The following CEP63 variants were observed in gnomAD, a reference collection of about 807,000 sequenced individuals.
CEP63 encodes centrosomal protein 63.
In CEP63, 84 loss-of-function variants were observed where a neutral mutation model predicts 89.1. The observed-to-expected ratio is 0.94, with a 90% CI of 0.79 to 1.13. The LOEUF is 1.13. Among genes scored for constraint, CEP63 ranks in the 50% most tolerant of loss-of-function variants. CEP63 has a pLI of 0.00. For missense variants in CEP63, 838 were observed against 813.3 expected (o/e 1.03, Z -0.37); for synonymous variants, 267 against 272.5 (o/e 0.98, Z 0.20).
At chr3:134,723,837 A>T in the CEP63 span, among the ~76,000 whole-genome samples, 9 of 152,220 alleles carry the variant, frequency 5.9e-5, no homozygotes, top group South Asian at 6.2e-4. Context: ...GGACAATGAC[A>T]GTATATAAGA....
chr3:134,699,362 A>T, the CEP63 span, among the ~76,000 whole-genome samples: 1 of 152,242 alleles, frequency 6.6e-6, no homozygotes, highest in Middle Eastern at 3.4e-3. Context: ...TTGGGAGGGG[A>T]CAGGATTGAC....
intron 3 of CEP63, among the ~76,000 whole-genome samples, chr3:134,513,139 T>TA (rs1945387592): frequency 1.3e-5 from 2 of 152,328 alleles, no homozygotes; most frequent in Non-Finnish European, 1.5e-5. Context: ...AGGATAGGTG[T>TA]ATAGCTGTCA....
chr3:134,619,347 GC>G, the CEP63 span: 1 of 1,000,320 alleles, frequency 1.0e-6, no homozygotes, highest in Non-Finnish European at 1.6e-6. Flanking sequence ...CTGTGCTCTG[GC>G]CATCACCAGC....
the CEP63 span, among the ~76,000 whole-genome samples, chr3:134,689,351 G>A: frequency 1.3e-5 from 2 of 152,154 alleles, no homozygotes; most frequent in Admixed American, 6.5e-5. Flanking sequence ...AGAATTGAAG[G>A]ACTTCCAGAA....
At chr3:134,617,167 A>T in the CEP63 span, among the ~76,000 whole-genome samples, 2 of 152,360 alleles carry the variant, frequency 1.3e-5, no homozygotes, top group East Asian at 3.9e-4. Context: ...GTATGCTAGA[A>T]AGCTTATACT....
chr3:134,664,423 G>A, the CEP63 span, among the ~76,000 whole-genome samples: 6 of 152,172 alleles, frequency 3.9e-5, no homozygotes, highest in East Asian at 1.9e-4. Context: ...GGACACAAGC[G>A]CAGACATGCA....
chr3:134,585,078 CTTCTT>C (rs1399140385), intron 10 of CEP63, among the ~76,000 whole-genome samples: 2 of 151,080 alleles, frequency 1.3e-5, no homozygotes, highest in African/African-American at 4.9e-5. Flanking sequence ...TGATTCCTCT[CTTCTT>C]CTTTATTAGT....
intron 8 of CEP63, among the ~76,000 whole-genome samples, 157 bp downstream of exon 8, chr3:134,546,445 A>G (rs1053339438): frequency 5.3e-5 from 8 of 152,090 alleles, no homozygotes; most frequent in African/African-American, 1.9e-4. Flanking sequence ...TGCAACCTCA[A>G]CCTCCGAGGT....
chr3:134,712,877 C>T, the CEP63 span, among the ~76,000 whole-genome samples: 1 of 152,148 alleles, frequency 6.6e-6, no homozygotes, highest in Admixed American at 6.5e-5. Flanking sequence ...TGCCTGGGAA[C>T]CAAGGGAGGC....
intron 3 of CEP63, among the ~76,000 whole-genome samples, chr3:134,519,407 T>TA (rs1301748756): frequency 1.3e-5 from 2 of 152,178 alleles, no homozygotes; most frequent in African/African-American, 4.8e-5. Context: ...GTGCTGGGAT[T>TA]ACAGGCGTGA....
At chr3:134,710,537 A>G in the CEP63 span, among the ~76,000 whole-genome samples, 2 of 152,122 alleles carry the variant, frequency 1.3e-5, no homozygotes, top group Admixed American at 6.6e-5. Context: ...AACAATTCAA[A>G]CAGTGTGGCC....
Position 134,564,244 on chromosome 3 carries a change from T to C in CEP63, c.*2709T>C. 1 of 985,446 alleles carries C rather than the reference T, an allele frequency of 1.0e-6. No individual in the cohort carries two copies. 61.0% of individuals were successfully genotyped at this position (985,446 alleles called of 1,614,324 possible). The stretch of plus-strand genomic sequence containing the variant: ...GAGAGGCTCAGCTAGTTTGAACCAA[T>C]GGAAAATGCCATTCCTGAGGTGCAC... On this transcript the variant is annotated 3_prime_UTR_variant, in exon 15 of 15. Transcript: ENST00000675561.
the CEP63 span, among the ~76,000 whole-genome samples, chr3:134,631,699 A>C: frequency 6.6e-6 from 1 of 152,136 alleles, no homozygotes; most frequent in African/African-American, 2.4e-5. Flanking sequence ...TACATACAAA[A>C]ATAGCTATTA....
the CEP63 span, among the ~76,000 whole-genome samples, chr3:134,720,526 C>G: frequency 6.6e-6 from 1 of 152,060 alleles, no homozygotes; most frequent in African/African-American, 2.4e-5. Flanking sequence ...CATACATAAA[C>G]AATTCAGGGC....
chr3:134,767,648 T>C, the CEP63 span, among the ~76,000 whole-genome samples: 660 of 152,338 alleles, frequency 4.3e-3, 2 homozygotes, highest in African/African-American at 0.015. Flanking sequence ...GATGGGGTCC[T>C]AGTCTGGCCT....
chr3:134,585,093 T>C (rs939458732), intron 10 of CEP63, among the ~76,000 whole-genome samples: 1 of 151,952 alleles, frequency 6.6e-6, no homozygotes, highest in Non-Finnish European at 1.5e-5. Flanking sequence ...TCTTTATTAG[T>C]CTTGCTAGTG....
At chr3:134,516,223 A>C (rs1288672541) in intron 3 of CEP63, among the ~76,000 whole-genome samples, 2 of 152,330 alleles carry the variant, frequency 1.3e-5, no homozygotes, top group African/African-American at 4.8e-5. Flanking sequence ...TGAACAAGGT[A>C]AATAATTAAG....
chr3:134,643,647 A>G, the CEP63 span, among the ~76,000 whole-genome samples: 3 of 152,176 alleles, frequency 2.0e-5, no homozygotes, highest in African/African-American at 4.8e-5. Flanking sequence ...GGAACAGGCT[A>G]CCAGTCTTCC....
the CEP63 span, among the ~76,000 whole-genome samples, chr3:134,686,603 C>A: frequency 1.3e-5 from 2 of 152,224 alleles, no homozygotes; most frequent in African/African-American, 4.8e-5. Flanking sequence ...AAGCTTGACT[C>A]ATCCCCAAGT....
Sources: allele counts gnomAD v4.1 joint callset (sites outside exome capture counted in the v4.1 genomes callset), GRCh38; gene constraint gnomAD v4.1.1; transcripts MANE v1.5; gene names NCBI Gene and HGNC (gene_info 2026-07-23, HGNC 2026-07-21).